Variants in ZNF417 observed in about 807,000 individuals in gnomAD.
The protein encoded by ZNF417 is zinc finger protein 417.
Under a neutral mutation model 7.4 loss-of-function variants are expected in ZNF417, and 5 were observed. That is an observed-to-expected ratio of 0.68 (90% CI 0.35 to 1.43). ZNF417 has a LOEUF of 1.43. ZNF417 is among the 40% of genes most tolerant of loss of function. The pLI is 0.04. For missense variants in ZNF417, 437 were observed against 697.3 expected, an observed-to-expected ratio of 0.63 and a Z score of 4.20; for synonymous variants, 147 against 239.1, an observed-to-expected ratio of 0.61 and a Z score of 3.55.
chr19:57,915,704 C>T (rs557723343), intron 1 of ZNF417: 131 of 400,232 alleles, frequency 3.3e-4, no homozygotes, highest in African/African-American at 1.6e-3. Context: ...CTGAAAAGAC[C>T]CCCTTCTTGC....
rs2071853150 is a variant in ZNF417, at chr19:57,908,148, T to G, written c.*402A>C. On this transcript the variant is annotated 3_prime_UTR_variant, in exon 3 of 3. Transcript: ENST00000312026. ...AAGCAAGCTACGGTGACATCTTAACTGTTTCACTGCCCAGCAATCTATACG... is the reference window on the plus strand; with the variant it reads ...AAGCAAGCTACGGTGACATCTTAACGGTTTCACTGCCCAGCAATCTATACG... 1 of 225,808 alleles carries G rather than the reference T, an allele frequency of 4.4e-6. No homozygotes were observed. The highest frequency in any genetic ancestry group is 5.1e-5 in the Admixed American group (1 of 19,476). 14.0% of individuals were successfully genotyped at this position (225,808 alleles called of 1,614,324 possible). A position where few individuals can be genotyped will look rare whatever the true frequency, so the allele number is the denominator to read the frequency against.
chr19:57,911,744 G>A (rs1315632358), intron 2 of ZNF417, among the ~76,000 whole-genome samples: 1 of 152,142 alleles, frequency 6.6e-6, no homozygotes, highest in Admixed American at 6.5e-5. Flanking sequence ...TCAGATAGAG[G>A]AAGGAAGTGT....
rs1052081501 is a variant in ZNF417 at position 57,907,978 on chromosome 19, G to C, written c.*572C>G. 2 of 160,388 alleles carry C rather than the reference G, an allele frequency of 1.2e-5. No homozygotes were observed. Among genetic ancestry groups the C allele is most frequent in the Non-Finnish European group, 2.8e-5 (2 of 72,514 alleles). 9.9% of individuals were successfully genotyped at this position (160,388 alleles called of 1,614,324 possible). A position where few individuals can be genotyped will look rare whatever the true frequency, so the allele number is the denominator to read the frequency against. On this transcript the variant is annotated 3_prime_UTR_variant, in exon 3 of 3. Coordinates refer to ENST00000312026, the MANE Select transcript of ZNF417 (RefSeq NM_152475.3). Reference sequence around the variant, plus strand: ...AGGACTCGGAGCTCTGAGGTAATTGGAGCTCATGGCTATCCCAGAACTTGG... The same window carrying C: ...AGGACTCGGAGCTCTGAGGTAATTGCAGCTCATGGCTATCCCAGAACTTGG...
chr19:57,913,375 T>C (rs2071916840), intron 1 of ZNF417, among the ~76,000 whole-genome samples: 1 of 152,240 alleles, frequency 6.6e-6, no homozygotes, highest in East Asian at 1.9e-4. Flanking sequence ...TGGCTTCAGA[T>C]ATCCATGGAC....
In ZNF417 at chr19:57,907,764, C is replaced by G. The variant is rs1485092585; in HGVS notation, c.*786G>C. 3 of 154,742 alleles carry G rather than the reference C, an allele frequency of 1.9e-5. No homozygotes were observed. The highest frequency in any genetic ancestry group is 5.6e-4 in the Middle Eastern group (1 of 1,774). The allele number at this position is 154,742 out of a possible 1,614,324, so 9.6% of individuals were successfully genotyped here. On this transcript the variant is annotated 3_prime_UTR_variant, in exon 3 of 3. Coordinates refer to ENST00000312026, the MANE Select transcript of ZNF417 (RefSeq NM_152475.3). ...GGATTCCATAATCTCACCTTGCTGGCAAGAAACTACCATTTCAGCAGAAAG... is the reference window on the plus strand; with the variant it reads ...GGATTCCATAATCTCACCTTGCTGGGAAGAAACTACCATTTCAGCAGAAAG...
intron 1 of ZNF417, 75 bp from the exon 2 acceptor site, chr19:57,912,264 C>T: frequency 1.3e-6 from 2 of 1,592,654 alleles, no homozygotes; most frequent in South Asian, 2.3e-5. Context: ...CACACACCCA[C>T]ACTTGCCCAT....
intron 1 of ZNF417, 63 bp from the exon 2 acceptor site, chr19:57,912,252 C>T: frequency 6.3e-7 from 1 of 1,598,940 alleles, no homozygotes; most frequent in Non-Finnish European, 8.5e-7. Context: ...ACCCACCTCT[C>T]CCACACACCC....
chr19:57,908,975 G>A lies in ZNF417; in HGVS notation c.1303C>T (p.Pro435Ser), dbSNP rs1212801986. ...EHQRLHTGERPYNCRECGKLF... is the reference protein window; with the variant it reads ...EHQRLHTGERSYNCRECGKLF... ...TTCCCACATTCCCTACAATTGTAAG[G>A]TCTTTCCCCAGTGTGAAGTCTCTGG... Residue 435 changes from proline to serine, a missense_variant, in exon 3 of 3, where the codon CCT (proline) becomes TCT (serine). Physicochemically the swap from Pro to Ser is moderately conservative, Grantham distance 74. Transcript: ENST00000312026. 1 of 1,613,642 alleles carries A rather than the reference G, an allele frequency of 6.2e-7. No individual in the cohort carries two copies. Among genetic ancestry groups the A allele is most frequent in the African/African-American group, 1.3e-5 (1 of 74,890 alleles).
At chr19:57,916,129 T>C (rs370166110) in intron 1 of ZNF417, among the ~76,000 whole-genome samples, 93 of 152,386 alleles carry the variant, frequency 6.1e-4, no homozygotes, top group South Asian at 1.4e-3. Flanking sequence ...CTGCGTCAAT[T>C]ACTATTTCTC....
In ZNF417 at chr19:57,906,113, G is replaced by A. The variant is rs1465473403; in HGVS notation, c.*2437C>T. On this transcript the variant is annotated 3_prime_UTR_variant, in exon 3 of 3. Coordinates refer to ENST00000312026, the MANE Select transcript of ZNF417 (RefSeq NM_152475.3). ...AGGTTTTGTGGGAACATAATTGGGT[G>A]TAATAAAATAAAAATTTACACCACA... Among the ~76,000 whole-genome samples, 2 of 152,124 alleles carry A rather than the reference G, an allele frequency of 1.3e-5. No homozygotes were observed. Among genetic ancestry groups the A allele is most frequent in the African/African-American group, 4.8e-5 (2 of 41,430 alleles).
At position 57,905,810 on chromosome 19, in the gene ZNF417, C is replaced by A. The variant is rs951187415; in HGVS notation, c.*2740G>T. 1.3e-5 allele frequency among the ~76,000 whole-genome samples: 2 copies of A among 152,000 alleles called. No homozygotes were observed. The highest frequency in any genetic ancestry group is 1.9e-4 in the East Asian group (1 of 5,172). ...AGGAAAGATGTATGAATCTTTTGTA[C>A]AAAAAAATTTCAACATATAAGTTGC... On this transcript the variant is annotated 3_prime_UTR_variant, in exon 3 of 3. Coordinates refer to ENST00000312026, the MANE Select transcript of ZNF417 (RefSeq NM_152475.3).
Position 57,912,047 on chromosome 19 carries a change from G to A in ZNF417, c.163+13C>T, listed in dbSNP as rs768280304. 2.7e-5 allele frequency: 42 copies of A among 1,555,526 alleles called. No homozygotes were observed. The Middle Eastern group carries it at 5.2e-4, about 19-fold the overall frequency. ...ACTAGCTCAGGTCACAAAGGTGAGC[G>A]TGAGCAACTTACCCAGCGAGGATAT... is the stretch of plus-strand genomic sequence containing the variant. On this transcript the variant is annotated intron_variant, in intron 2 of 2. Transcript: ENST00000312026.
Position 57,916,473 on chromosome 19 carries a change from C to T in ZNF417, c.-62G>A. ...TCGCCGTCACGGGGCTGCAGAGCCG[C>T]CTCTGGGCACCGAGGACGATTCCTC... On this transcript the variant is annotated 5_prime_UTR_variant, in exon 1 of 3. Transcript: ENST00000312026. 1 of 1,612,662 alleles carries T rather than the reference C, an allele frequency of 6.2e-7. No homozygotes were observed. The highest frequency in any genetic ancestry group is 8.5e-7 in the Non-Finnish European group (1 of 1,179,548).
chr19:57,914,413 G>A (rs1371307089), intron 1 of ZNF417, among the ~76,000 whole-genome samples: 1 of 147,872 alleles, frequency 6.8e-6, no homozygotes, highest in East Asian at 2.0e-4. Flanking sequence ...TTGAACCCGG[G>A]AGGCAGAGGT....
At chr19:57,914,737 T>G (rs1024428965) in intron 1 of ZNF417, among the ~76,000 whole-genome samples, 2 of 152,228 alleles carry the variant, frequency 1.3e-5, no homozygotes, top group African/African-American at 2.4e-5. Flanking sequence ...ACTTTGATCC[T>G]TTTTATCTCT....
chr19:57,912,265 A>G (rs112790161), intron 1 of ZNF417, 76 bp from the exon 2 acceptor site: 1 of 1,589,844 alleles, frequency 6.3e-7, no homozygotes, highest in Non-Finnish European at 8.5e-7. Context: ...ACACACCCAC[A>G]CTTGCCCATC....
At position 57,908,155 on chromosome 19, in the gene ZNF417, C is replaced by A. The variant is rs559245620; in HGVS notation, c.*395G>T. ...CTACGGTGACATCTTAACTGTTTCA[C>A]TGCCCAGCAATCTATACGTATTGTC... On this transcript the variant is annotated 3_prime_UTR_variant, in exon 3 of 3. Coordinates refer to ENST00000312026, the MANE Select transcript of ZNF417 (RefSeq NM_152475.3). 1.9e-4 allele frequency: 44 copies of A among 229,584 alleles called. No individual in the cohort carries two copies. The highest frequency in any genetic ancestry group is 1.4e-3 in the South Asian group (19 of 13,286). The allele number at this position is 229,584 out of a possible 1,614,324, so 14.2% of individuals were successfully genotyped here.
Position 57,910,019 on chromosome 19 carries a change from A to T in ZNF417, c.259T>A (p.Ser87Thr). Residue 87 changes from serine to threonine, a missense_variant, in exon 3 of 3, where the codon TCT becomes ACT. Around this residue, in one of 5 missense-constraint regions of ZNF417, gnomAD observed 60 missense variants for 266.0 expected, o/e 0.23. Coordinates refer to ENST00000312026, the MANE Select transcript of ZNF417 (RefSeq NM_152475.3). ...SQSRTPRAGVSPKKAHPCEMC... is the reference protein window; with the variant it reads ...SQSRTPRAGVTPKKAHPCEMC... Reference sequence around the variant, plus strand: ...TCACAGGGGTGAGCCTTCTTAGGAGAAACACCTGCCCTAGGAGTCCTGCTC... The same window carrying T: ...TCACAGGGGTGAGCCTTCTTAGGAGTAACACCTGCCCTAGGAGTCCTGCTC... The T allele has an allele frequency of 1.3e-6, 2 of 1,575,362 alleles. No individual in the cohort carries two copies. The highest frequency in any genetic ancestry group is 1.7e-6 in the Non-Finnish European group (2 of 1,162,228).
Position 57,907,503 on chromosome 19 carries a change from A to T in ZNF417, c.*1047T>A, listed in dbSNP as rs1287067062. On this transcript the variant is annotated 3_prime_UTR_variant, in exon 3 of 3. Transcript: ENST00000312026. ...TTCAGAGTGAGAGGAAACAAGAGAG[A>T]TTCTAGGCAGCCCTCAGGGAAGCTG... The T allele has an allele frequency of 6.5e-6, 1 of 154,826 alleles. No homozygotes were observed. The highest frequency in any genetic ancestry group is 2.4e-5 in the African/African-American group (1 of 41,516). The allele number at this position is 154,826 out of a possible 1,614,324, so 9.6% of individuals were successfully genotyped here. A position where few individuals can be genotyped will look rare whatever the true frequency, so the allele number is the denominator to read the frequency against.
Sources: allele counts gnomAD v4.1 joint callset (sites outside exome capture counted in the v4.1 genomes callset), GRCh38; gene constraint gnomAD v4.1.1; regional missense constraint gnomAD v4.1.1; transcripts MANE v1.5; gene names NCBI Gene and HGNC (gene_info 2026-07-23, HGNC 2026-07-21).